The following CTNND2 variants were observed in gnomAD, a reference collection of about 807,000 sequenced individuals.
The protein encoded by CTNND2 is catenin delta-2.
CTNND2 carries 22 observed loss-of-function variants against 144.4 expected under a neutral mutation model. That is an observed-to-expected ratio of 0.15 (90% CI 0.11 to 0.22). The LOEUF (loss-of-function observed/expected upper bound fraction) is 0.22, where lower values mean the gene tolerates loss of function less well. Ranked by LOEUF, CTNND2 falls within the 10% of genes least tolerant of loss-of-function variation. CTNND2 has a pLI of 1.00. For missense variants in CTNND2, 1,353 were observed against 1,618.8 expected, an observed-to-expected ratio of 0.84 and a Z score of 2.82; for synonymous variants, 751 against 695.6, an observed-to-expected ratio of 1.08 and a Z score of -1.25.
chr5:11,447,611 C>T (rs1368797165), intron 3 of CTNND2, among the ~76,000 whole-genome samples: 2 of 152,126 alleles, frequency 1.3e-5, no homozygotes, highest in Admixed American at 6.5e-5. Context: ...ACCTGCTGTG[C>T]CTTTTAGTTG....
At chr5:11,396,461 T>A (rs1760148538) in intron 6 of CTNND2, among the ~76,000 whole-genome samples, 1 of 152,284 alleles carries the variant, frequency 6.6e-6, no homozygotes, top group South Asian at 2.1e-4. Context: ...GCAGTGAAAC[T>A]GTAAGATCAA....
intron 9 of CTNND2, among the ~76,000 whole-genome samples, chr5:11,260,184 T>C (rs1056300293): frequency 2.0e-5 from 3 of 152,144 alleles, no homozygotes; most frequent in African/African-American, 7.2e-5. Flanking sequence ...AGAAGAAACA[T>C]AGCAGGCAGG....
intron 3 of CTNND2, among the ~76,000 whole-genome samples, chr5:11,460,603 C>G (rs1350773190): frequency 6.6e-6 from 1 of 152,156 alleles, no homozygotes; most frequent in African/African-American, 2.4e-5. Context: ...CTGGCCCTTG[C>G]TCAGGCTATT....
chr5:10,973,648 C>A lies in CTNND2; in HGVS notation c.3483G>T (p.Gln1161His). ...RKDYETYQPF[Q>H]NSTRNYDESF... ...ACTCATCGTAATTTCTTGTGGAATT[C>A]TGAAATGGCTGGTAGGTCTCGTAAT... The change falls in exon 22 of 22, where the codon CAG becomes CAT. Residue 1161 changes from glutamine to histidine, a missense_variant. By Grantham distance (24) the Gln-to-His change is conservative. This residue lies in a region of CTNND2 where 459 missense variants were observed against 674.3 expected (regional missense o/e 0.68). Coordinates refer to ENST00000304623, the MANE Select transcript of CTNND2 (RefSeq NM_001332.4). This position sits in a 1 kb window ranked among gnomAD's most constrained non-coding sequence, Gnocchi z 5.6. The A allele has an allele frequency of 6.2e-7, 1 of 1,614,060 alleles. No individual in the cohort carries two copies. Among genetic ancestry groups the A allele is most frequent in the Non-Finnish European group, 8.5e-7 (1 of 1,179,958 alleles).
At chr5:11,797,770 T>A (rs935643332) in intron 1 of CTNND2, among the ~76,000 whole-genome samples, 9 of 152,230 alleles carry the variant, frequency 5.9e-5, no homozygotes, top group African/African-American at 2.2e-4. Flanking sequence ...TCTTCTTGTA[T>A]CTATGTATAT....
intron 16 of CTNND2, among the ~76,000 whole-genome samples, chr5:11,039,781 G>T (rs1354809223): frequency 6.6e-6 from 1 of 152,062 alleles, no homozygotes; most frequent in Non-Finnish European, 1.5e-5. Flanking sequence ...ACAAGTACAG[G>T]CCAGGCACAG....
At chr5:11,017,222 GA>G (rs1254159863) in intron 18 of CTNND2, among the ~76,000 whole-genome samples, 1 of 152,080 alleles carries the variant, frequency 6.6e-6, no homozygotes, top group Non-Finnish European at 1.5e-5. Context: ...TTATTGAGCA[GA>G]TTTTGGAAAT....
intron 3 of CTNND2, among the ~76,000 whole-genome samples, chr5:11,495,390 T>C (rs1301190020): frequency 6.6e-6 from 1 of 152,058 alleles, no homozygotes; most frequent in African/African-American, 2.4e-5. Flanking sequence ...AATAATTATT[T>C]ATTCAAATTA....
chr5:11,108,546 T>C (rs1752644669), intron 14 of CTNND2, among the ~76,000 whole-genome samples: 1 of 152,210 alleles, frequency 6.6e-6, no homozygotes, highest in Non-Finnish European at 1.5e-5. Flanking sequence ...ACCTACCAGA[T>C]AAAAATAGTG....
At chr5:11,697,093 G>A (rs1785175869) in intron 2 of CTNND2, among the ~76,000 whole-genome samples, 2 of 152,176 alleles carry the variant, frequency 1.3e-5, no homozygotes, top group South Asian at 4.1e-4. Flanking sequence ...TAAGGAACCG[G>A]ACAAATATCA....
chr5:11,475,915 G>A (rs766623619), intron 3 of CTNND2, among the ~76,000 whole-genome samples: 3 of 152,022 alleles, frequency 2.0e-5, no homozygotes, highest in Non-Finnish European at 4.4e-5. Flanking sequence ...GCTGGAATAT[G>A]TGGCCCCATC....
At chr5:11,225,104 A>C (rs986400984) in intron 10 of CTNND2, among the ~76,000 whole-genome samples, 2 of 152,250 alleles carry the variant, frequency 1.3e-5, no homozygotes, top group East Asian at 1.9e-4. Context: ...AACAAAAAAA[A>C]CCAGGAACTT....
intron 3 of CTNND2, among the ~76,000 whole-genome samples, chr5:11,538,939 C>T (rs1774471662): frequency 1.3e-5 from 2 of 152,142 alleles, no homozygotes; most frequent in South Asian, 2.1e-4. Context: ...AAAAGCCATA[C>T]ATAATTCTTA....
chr5:11,559,394 T>C (rs914194932), intron 3 of CTNND2, among the ~76,000 whole-genome samples: 13 of 152,220 alleles, frequency 8.5e-5, no homozygotes, highest in African/African-American at 2.9e-4. Flanking sequence ...ATGTTTCCAC[T>C]GCTCTACTCC....
chr5:11,727,910 A>G lies in CTNND2; in HGVS notation c.174+4226T>C, dbSNP rs79978951. Among the ~76,000 whole-genome samples the G allele has an allele frequency of 8.0e-3, 1,225 of 152,362 alleles. 12 individuals carry two copies. The highest frequency in any genetic ancestry group is 0.028 in the African/African-American group (1,148 of 41,590). On this transcript the variant is annotated intron_variant, in intron 2 of 21. Coordinates refer to ENST00000304623, the MANE Select transcript of CTNND2 (RefSeq NM_001332.4). ...TAATGCTGAAAGATTTAGCAACGAT[A>G]TGTGGCACTGGAAGAAAACTAATTA... is the stretch of plus-strand genomic sequence containing the variant.
chr5:11,307,892 T>C (rs1172252691), intron 9 of CTNND2, among the ~76,000 whole-genome samples: 2 of 152,098 alleles, frequency 1.3e-5, no homozygotes, highest in African/African-American at 4.8e-5. Flanking sequence ...ATGAGGACTT[T>C]GGGAGGTGAT....
At chr5:11,583,670 A>G (rs952976473) in intron 2 of CTNND2, among the ~76,000 whole-genome samples, 1 of 152,228 alleles carries the variant, frequency 6.6e-6, no homozygotes, top group Non-Finnish European at 1.5e-5. Context: ...AATTTTATTG[A>G]TTTTTATTTC....
At chr5:11,612,059 C>G (rs759287060) in intron 2 of CTNND2, among the ~76,000 whole-genome samples, 3 of 113,372 alleles carry the variant, frequency 2.6e-5, no homozygotes, top group Non-Finnish European at 5.6e-5. Flanking sequence ...ATCAGGGGTT[C>G]ACCAAGCCTA....
intron 2 of CTNND2, among the ~76,000 whole-genome samples, chr5:11,694,615 T>A (rs978099002): frequency 1.2e-4 from 18 of 152,134 alleles, no homozygotes; most frequent in Non-Finnish European, 2.2e-4. Flanking sequence ...AATACCCTGT[T>A]TGTTAATTTG....
Sources: gnomAD v4.1 joint callset for allele counts (sites outside exome capture counted in the v4.1 genomes callset) on GRCh38, gnomAD v4.1.1 for gene constraint, gnomAD v4.1.1 regional missense constraint, Gnocchi (gnomAD v3.1) non-coding constraint, MANE v1.5 for transcripts, NCBI Gene and HGNC (gene_info 2026-07-23, HGNC 2026-07-21) for gene names.